The following ARHGEF7 variants were observed in gnomAD, a reference collection of about 807,000 sequenced individuals.
ARHGEF7 encodes the protein PAK-interacting exchange factor beta.
ARHGEF7 carries 33 observed loss-of-function variants against 109.8 expected under a neutral mutation model. The ratio of observed to expected loss-of-function variants is 0.30; its 90% CI spans 0.23 to 0.40. ARHGEF7 has a LOEUF of 0.40. ARHGEF7 is among the 10% of genes least tolerant of loss of function. The probability of loss-of-function intolerance (pLI) is 1.00; values close to 1 mark genes in which losing one functional copy is unlikely to be tolerated. For missense variants in ARHGEF7, 938 were observed against 1,098.5 expected (o/e 0.85, Z 2.07); for synonymous variants, 458 against 424.6 (o/e 1.08, Z -0.97).
intron 2 of ARHGEF7, among the ~76,000 whole-genome samples, chr13:111,166,646 A>G (rs1016775142): frequency 2.0e-5 from 3 of 152,232 alleles, no homozygotes; most frequent in African/African-American, 4.8e-5. Flanking sequence ...AGAGGAGTCA[A>G]GGAGGACCAA....
At position 111,163,353 on chromosome 13, in the gene ARHGEF7, A is replaced by G. The variant is rs138644787; in HGVS notation, c.252+9362A>G. ...TGCTGTACTGTCTTGCTGGGTGAAC[A>G]TGAAGTGTTCTGGTTATCCAGGCTG... On this transcript the variant is annotated intron_variant, in intron 2 of 21. Coordinates refer to ENST00000646102, the MANE Select transcript of ARHGEF7 (RefSeq NM_001354046.2). Among the ~76,000 whole-genome samples the G allele has an allele frequency of 7.4e-3, 1,126 of 152,266 alleles. 9 individuals carry two copies. Among genetic ancestry groups the G allele is most frequent in the Non-Finnish European group, 0.012 (804 of 68,020 alleles).
At chr13:111,213,362 T>G (rs1214315152) in intron 4 of ARHGEF7, among the ~76,000 whole-genome samples, 1 of 152,152 alleles carries the variant, frequency 6.6e-6, no homozygotes, top group Admixed American at 6.5e-5. Flanking sequence ...TATTGACACG[T>G]AACGTACATA....
chr13:111,227,333 C>A (rs974748869), intron 5 of ARHGEF7, among the ~76,000 whole-genome samples: 3 of 152,156 alleles, frequency 2.0e-5, no homozygotes, highest in African/African-American at 7.2e-5. Flanking sequence ...AAGGAAGAAT[C>A]AGTTGATACT....
chr13:111,178,238 T>G (rs1431515188), intron 2 of ARHGEF7, among the ~76,000 whole-genome samples: 1 of 152,206 alleles, frequency 6.6e-6, no homozygotes, highest in South Asian at 2.1e-4. Flanking sequence ...AGGAGTTCCC[T>G]TATGTCCTGG....
chr13:111,204,232 A>G (rs2081508958), intron 2 of ARHGEF7, among the ~76,000 whole-genome samples: 1 of 152,170 alleles, frequency 6.6e-6, no homozygotes, highest in South Asian at 2.1e-4. Flanking sequence ...GGGAGAGGGC[A>G]GGACTGACAG....
chr13:111,164,046 G>A (rs907056860), intron 2 of ARHGEF7, among the ~76,000 whole-genome samples: 1 of 147,954 alleles, frequency 6.8e-6, no homozygotes, highest in Non-Finnish European at 1.5e-5. Context: ...CCCCCGTATT[G>A]CGTGTTGCGT....
chr13:111,218,908 A>G (rs1393040032), intron 5 of ARHGEF7, among the ~76,000 whole-genome samples: 1 of 152,214 alleles, frequency 6.6e-6, no homozygotes, highest in Non-Finnish European at 1.5e-5. Context: ...TTTCTCAGTG[A>G]CCTCAGAAAA....
intron 6 of ARHGEF7, chr13:111,241,220 C>T: frequency 1.3e-6 from 2 of 1,536,168 alleles, no homozygotes; most frequent in South Asian, 1.2e-5. Context: ...TGAAAACTGC[C>T]TGCGTCCTCT....
chr13:111,265,585 G>A (rs756247240), intron 8 of ARHGEF7: 37 of 456,658 alleles, frequency 8.1e-5, no homozygotes, highest in Non-Finnish European at 1.1e-4. Flanking sequence ...CTGAGGTCCT[G>A]CCTGCAGGGT....
At chr13:111,263,205 C>G (rs2091287310) in intron 8 of ARHGEF7, among the ~76,000 whole-genome samples, 1 of 152,152 alleles carries the variant, frequency 6.6e-6, no homozygotes, top group African/African-American at 2.4e-5. Flanking sequence ...TGAGCTTTAT[C>G]TGCTACTGAA....
In ARHGEF7 at chr13:111,145,483, G is replaced by C. The variant is rs1331846307; in HGVS notation, c.166-8422G>C. Among the ~76,000 whole-genome samples, 3 of 151,522 alleles carry C rather than the reference G, an allele frequency of 2.0e-5. No homozygotes were observed. Among genetic ancestry groups the C allele is most frequent in the African/African-American group, 7.3e-5 (3 of 41,334 alleles). ...CAGCCAGTGAGAGCTGTAGTTACAGGAGAGGCTGCCTGACAGGAGCCATGG... is the reference window on the plus strand; with the variant it reads ...CAGCCAGTGAGAGCTGTAGTTACAGCAGAGGCTGCCTGACAGGAGCCATGG... On this transcript the variant is annotated intron_variant, in intron 1 of 21. Coordinates refer to ENST00000646102, the MANE Select transcript of ARHGEF7 (RefSeq NM_001354046.2). This position sits in a 1 kb window ranked among gnomAD's most constrained non-coding sequence, Gnocchi z 4.3.
intron 3 of ARHGEF7, 84 bp downstream of exon 3, chr13:111,205,457 G>T: frequency 2.3e-6 from 2 of 882,684 alleles, no homozygotes; most frequent in Non-Finnish European, 3.4e-6. Flanking sequence ...CCAAAGCCAG[G>T]GGAGCATTAC....
chr13:111,238,759 C>T (rs540068080), intron 6 of ARHGEF7, among the ~76,000 whole-genome samples: 7 of 151,888 alleles, frequency 4.6e-5, no homozygotes, highest in Non-Finnish European at 8.8e-5. Flanking sequence ...CACCCCGCTC[C>T]GTCATTAGAG....
chr13:111,221,480 G>T (rs1292963246), intron 5 of ARHGEF7, among the ~76,000 whole-genome samples: 3 of 53,342 alleles, frequency 5.6e-5, no homozygotes, highest in African/African-American at 6.3e-5. Context: ...TATATATATA[G>T]ATATATATAG....
At chr13:111,193,928 C>T (rs1397047131) in intron 2 of ARHGEF7, among the ~76,000 whole-genome samples, 1 of 152,218 alleles carries the variant, frequency 6.6e-6, no homozygotes, top group African/African-American at 2.4e-5. Context: ...ATTTGAAGCA[C>T]TGGTCCCTCA....
intron 2 of ARHGEF7, among the ~76,000 whole-genome samples, chr13:111,200,661 G>A (rs1008459130): frequency 6.6e-6 from 1 of 152,172 alleles, no homozygotes; most frequent in African/African-American, 2.4e-5. Context: ...TTCTGACATA[G>A]CCAAAACTGT....
At chr13:111,127,648 GAAAAAAAA>G (rs71206956) in intron 1 of ARHGEF7, among the ~76,000 whole-genome samples, 4 of 40,044 alleles carry the variant, frequency 1.0e-4, no homozygotes, top group South Asian at 1.1e-3. Context: ...CTCTGTTTCA[GAAAAAAAA>G]AAAAAAAAAA....
chr13:111,186,005 T>TGTGTGTGTGTG (rs1566745669), intron 2 of ARHGEF7, among the ~76,000 whole-genome samples: 14 of 148,658 alleles, frequency 9.4e-5, no homozygotes, highest in Admixed American at 2.7e-4. Flanking sequence ...TGTGTGTGTG[T>TGTGTGTGTGTG]TTTCGTTTTC....
intron 2 of ARHGEF7, among the ~76,000 whole-genome samples, chr13:111,192,128 G>A (rs1362286482): frequency 1.3e-5 from 2 of 152,112 alleles, no homozygotes; most frequent in African/African-American, 2.4e-5. Context: ...CCAGTGGTTC[G>A]CAGGTGTATC....
Sources: allele counts gnomAD v4.1 joint callset (sites outside exome capture counted in the v4.1 genomes callset), GRCh38; gene constraint gnomAD v4.1.1; non-coding constraint Gnocchi (gnomAD v3.1); transcripts MANE v1.5; gene names NCBI Gene and HGNC (gene_info 2026-07-23, HGNC 2026-07-21).